The following SNX8 variants were observed in gnomAD, a reference collection of about 807,000 sequenced individuals.
SNX8 encodes the protein sorting nexin-8.
SNX8 carries 25 observed loss-of-function variants against 51.6 expected under a neutral mutation model. The ratio of observed to expected loss-of-function variants is 0.48; its 90% confidence interval spans 0.35 to 0.68. SNX8 has a LOEUF of 0.68. Ranked by LOEUF, SNX8 falls within the 30% of genes least tolerant of loss-of-function variation. The pLI, the probability that SNX8 is intolerant of heterozygous loss-of-function variation, is 0.00. For missense variants in SNX8, 695 were observed against 624.0 expected (o/e 1.11, Z -1.21); for synonymous variants, 324 against 277.0 (o/e 1.17, Z -1.68).
intron 7 of SNX8, among the ~76,000 whole-genome samples, chr7:2,261,739 C>T (rs1238799709): frequency 6.6e-6 from 1 of 152,128 alleles, no homozygotes; most frequent in Non-Finnish European, 1.5e-5. Flanking sequence ...CACAGAAGCA[C>T]GGGGGCGGAA....
At chr7:2,314,789 A>C (rs368851207), upstream of SNX8, among the ~76,000 whole-genome samples, 19 of 152,236 alleles carry the variant, frequency 1.2e-4, no homozygotes, top group East Asian at 3.5e-3. Flanking sequence ...TCGCTCATTC[A>C]CCGGTTACAC....
chr7:2,339,900 T>G (rs1338328474), intron 1 of SNX8, among the ~76,000 whole-genome samples: 1 of 152,126 alleles, frequency 6.6e-6, no homozygotes. Flanking sequence ...TAACAGAGAT[T>G]GGCACTTCGA....
At chr7:2,313,312 G>C (rs546369769) in intron 1 of SNX8, among the ~76,000 whole-genome samples, 8 of 151,834 alleles carry the variant, frequency 5.3e-5, no homozygotes, top group African/African-American at 1.9e-4. Flanking sequence ...GATCACCTGA[G>C]GTCAGGAGTT....
intron 1 of SNX8, among the ~76,000 whole-genome samples, chr7:2,343,212 T>G (rs1456048640): frequency 1.3e-5 from 2 of 151,654 alleles, no homozygotes; most frequent in Non-Finnish European, 2.9e-5. Flanking sequence ...ATTACAGGCA[T>G]GAGCCACCGC....
chr7:2,307,602 A>T (rs1201644431), intron 1 of SNX8: 5 of 140,006 alleles, frequency 3.6e-5, no homozygotes, highest in African/African-American at 5.3e-5. Flanking sequence ...ATTGCACTCC[A>T]GCCTGGGCAA....
intron 1 of SNX8, among the ~76,000 whole-genome samples, chr7:2,344,902 C>T (rs1194613574): frequency 2.6e-5 from 4 of 152,176 alleles, no homozygotes; most frequent in Non-Finnish European, 5.9e-5. Flanking sequence ...TCATTTTCTG[C>T]TTGAATCAGA....
chr7:2,343,362 C>T (rs1056048949), intron 1 of SNX8, among the ~76,000 whole-genome samples: 2 of 152,110 alleles, frequency 1.3e-5, no homozygotes, highest in African/African-American at 4.8e-5. Flanking sequence ...AGTTTAAAGA[C>T]TAGAAGCCTG....
At chr7:2,297,838 C>T (rs557558413) in intron 1 of SNX8, among the ~76,000 whole-genome samples, 5 of 151,606 alleles carry the variant, frequency 3.3e-5, no homozygotes, top group South Asian at 4.2e-4. Context: ...AGCTGAACTA[C>T]GGGGACACAA....
intron 1 of SNX8, among the ~76,000 whole-genome samples, chr7:2,321,058 G>T (rs144328241): frequency 6.6e-6 from 1 of 152,096 alleles, no homozygotes; most frequent in Non-Finnish European, 1.5e-5. Flanking sequence ...AAACAAAAAC[G>T]AAATGTGTGT....
chr7:2,284,876 T>C (rs957953035), intron 1 of SNX8, among the ~76,000 whole-genome samples: 8 of 152,090 alleles, frequency 5.3e-5, no homozygotes, highest in African/African-American at 1.7e-4. Flanking sequence ...CCTTCTCTAC[T>C]TACACATTCT....
intron 1 of SNX8, among the ~76,000 whole-genome samples, chr7:2,346,737 CAAA>C (rs143462126): frequency 4.4e-5 from 2 of 45,332 alleles, no homozygotes; most frequent in South Asian, 2.7e-3. Context: ...GACTCCGTCT[CAAA>C]AAAAAAAAAA....
chr7:2,287,997 C>T (rs1187250615), intron 1 of SNX8: 1 of 152,410 alleles, frequency 6.6e-6, no homozygotes. Flanking sequence ...CTTTTGAACA[C>T]ACTGGTGGTG....
intron 1 of SNX8, among the ~76,000 whole-genome samples, chr7:2,327,829 C>T (rs963543795): frequency 2.6e-5 from 4 of 152,078 alleles, no homozygotes; most frequent in Non-Finnish European, 5.9e-5. Context: ...AGGCGTGAGC[C>T]ACCGCGCCTG....
intron 1 of SNX8, among the ~76,000 whole-genome samples, chr7:2,329,723 A>G (rs1422684533): frequency 6.6e-6 from 1 of 152,134 alleles, no homozygotes; most frequent in Admixed American, 6.5e-5. Flanking sequence ...CTGGATGCAC[A>G]ACAGAGAAGG....
upstream of SNX8, chr7:2,314,527 C>A (rs1796723700): frequency 2.8e-6 from 3 of 1,077,262 alleles, no homozygotes; most frequent in Non-Finnish European, 3.4e-6. Context: ...CGCCCCCTCC[C>A]CCGCGCGCCA....
Position 2,255,162 on chromosome 7 carries a change from T to G in SNX8, c.1292A>C (p.Lys431Thr). 6.5e-7 allele frequency: 1 copy of G among 1,543,514 alleles called. No individual in the cohort carries two copies. The highest frequency in any genetic ancestry group is 8.8e-7 in the Non-Finnish European group (1 of 1,140,286). Residue 431 changes from lysine to threonine, a missense_variant, in exon 11 of 11, where the codon AAG (lysine) becomes ACG (threonine). Physicochemically the swap from Lys to Thr is moderately conservative, Grantham distance 78. Transcript: ENST00000222990. Reference protein sequence around the residue: ...SQIQGHKEMSKVWNDLRPKLS... With the variant: ...SQIQGHKEMSTVWNDLRPKLS... ...CTTGGGCCTCAGGTCGTTCCACACCTTGCTCATCTGAAAGGGAAGCGAAGA... is the reference window on the plus strand; with the variant it reads ...CTTGGGCCTCAGGTCGTTCCACACCGTGCTCATCTGAAAGGGAAGCGAAGA...
At chr7:2,282,500 G>C (rs1337313140) in intron 1 of SNX8, among the ~76,000 whole-genome samples, 1 of 152,326 alleles carries the variant, frequency 6.6e-6, no homozygotes, top group East Asian at 1.9e-4. Flanking sequence ...ACAAGTCTGT[G>C]AATCTCCAAG....
intron 7 of SNX8, 71 bp from the exon 8 acceptor site, chr7:2,257,874 C>A: frequency 2.1e-6 from 3 of 1,439,212 alleles, no homozygotes; most frequent in Non-Finnish European, 2.0e-6. Context: ...AACTCAGACC[C>A]AAGCCTGGCC....
chr7:2,272,255 G>A (rs557406138), intron 3 of SNX8, among the ~76,000 whole-genome samples: 9 of 152,302 alleles, frequency 5.9e-5, no homozygotes, highest in East Asian at 1.9e-4. Context: ...TGGGAACCAC[G>A]TGAGTGGTCA....
Sources: gnomAD v4.1 joint callset for allele counts (sites outside exome capture counted in the v4.1 genomes callset) on GRCh38, gnomAD v4.1.1 for gene constraint, MANE v1.5 for transcripts, NCBI Gene and HGNC (gene_info 2026-07-23, HGNC 2026-07-21) for gene names.